Variants in HYOU1 observed in about 807,000 individuals in gnomAD.
The protein encoded by HYOU1 is hypoxia up-regulated 1.
Under a neutral mutation model 120.5 loss-of-function variants are expected in HYOU1, and 40 were observed. That is an observed-to-expected ratio of 0.33 (90% CI 0.26 to 0.43). The LOEUF is 0.43. HYOU1 is among the 20% of genes least tolerant of loss of function. HYOU1 has a pLI of 1.00. For synonymous variants in HYOU1, 501 were observed against 479.4 expected (o/e 1.05, Z -0.59); for missense variants, 1,085 against 1,278.3 (o/e 0.85, Z 2.31).
chr11:119,053,525 C>A (rs1944573723), intron 8 of HYOU1: 1 of 152,334 alleles, frequency 6.6e-6, no homozygotes, highest in Admixed American at 6.5e-5. Context: ...GAGCCAGCGA[C>A]AGGTTTTTAA....
chr11:119,054,245 A>G lies in HYOU1; in HGVS notation c.679-9T>C, dbSNP rs1043356488. The G allele has an allele frequency of 2.5e-6, 4 of 1,602,180 alleles. No individual in the cohort carries two copies. The highest frequency in any genetic ancestry group is 3.4e-6 in the Non-Finnish European group (4 of 1,169,684). On this transcript the variant is annotated splice_polypyrimidine_tract_variant and intron_variant, in intron 7 of 25. Transcript: ENST00000617285. ...TCATAGAACATGATATTCTGTAGAGATATCAAGGCAACTGTCACAGGAACC... is the reference window on the plus strand; with the variant it reads ...TCATAGAACATGATATTCTGTAGAGGTATCAAGGCAACTGTCACAGGAACC...
Position 119,051,489 on chromosome 11 carries a change from T to C in HYOU1, c.1475A>G (p.Asn492Ser). ...ITFNRYSHDF[N>S]FHINYGDLGF... The stretch of plus-strand genomic sequence containing the variant: ...CAGGTCGCCGTAGTTGATGTGGAAG[T>C]TGAAATCATGGCTGTAGCGGTTAAA... Residue 492 changes from asparagine (N) to serine (S), a missense_variant, in exon 13 of 26, where the codon AAC (asparagine) becomes AGC (serine). By Grantham distance (46) the Asn-to-Ser change is conservative (BLOSUM62 1). Coordinates refer to ENST00000617285, the MANE Select transcript of HYOU1 (RefSeq NM_006389.5). The surrounding 1 kb of genome is among the most constrained non-coding windows in gnomAD (Gnocchi z 4.2). 6.2e-7 allele frequency: 1 copy of C among 1,614,046 alleles called. No individual in the cohort carries two copies. The highest frequency in any genetic ancestry group is 8.5e-7 in the Non-Finnish European group (1 of 1,180,006).
chr11:119,052,880 G>GC lies in HYOU1; in HGVS notation c.795-52dup. On this transcript the variant is annotated intron_variant, in intron 8 of 25. Coordinates refer to ENST00000617285, the MANE Select transcript of HYOU1 (RefSeq NM_006389.5). The surrounding 1 kb of genome is among the most constrained non-coding windows in gnomAD (Gnocchi z 5.0). ...AAAGTGAAGAACACATGGAGTCCCC[G>GC]CATCTGCACAGGAGCCTCTCATCCC... is the stretch of plus-strand genomic sequence containing the variant. The GC allele has an allele frequency of 1.3e-6, 2 of 1,520,036 alleles. No homozygotes were observed. The highest frequency in any genetic ancestry group is 1.8e-6 in the Non-Finnish European group (2 of 1,120,514). 94.2% of individuals were successfully genotyped at this position (1,520,036 alleles called of 1,614,324 possible). A position where few individuals can be genotyped will look rare whatever the true frequency, so the allele number is the denominator to read the frequency against.
Position 119,052,548 on chromosome 11 carries a change from T to C in HYOU1, c.987+89A>G. ...ATGGTAGCGGGAGGAGCATGGGCCA[T>C]GCCAGGCACGAGCAGCCCAGTTCAG... is the stretch of plus-strand genomic sequence containing the variant. On this transcript the variant is annotated intron_variant, in intron 9 of 25. Coordinates refer to ENST00000617285, the MANE Select transcript of HYOU1 (RefSeq NM_006389.5). The surrounding 1 kb of genome is among the most constrained non-coding windows in gnomAD (Gnocchi z 5.0). 3 of 1,573,624 alleles carry C rather than the reference T, an allele frequency of 1.9e-6. No individual in the cohort carries two copies. In the Admixed American group the frequency reaches 5.2e-5, roughly 27 times the overall value.
At position 119,048,717 on chromosome 11, in the gene HYOU1, T is replaced by A. The variant is rs1944236712; in HGVS notation, c.2162A>T (p.Gln721Leu). The stretch of plus-strand genomic sequence containing the variant: ...CACACCAGCTGTCCTCACTTACTTC[T>A]GCACCGACTGAGCCAGCTTATCCTC... ...LPEDKLAQSV[Q>L]KLQDLTLRDL... is the part of the protein sequence containing the mutation. The change falls in exon 18 of 26, where the codon CAG becomes CTG. Residue 721 changes from glutamine to leucine, a missense_variant. Transcript: ENST00000617285. This position sits in a 1 kb window ranked among gnomAD's most constrained non-coding sequence, Gnocchi z 4.7. 1.2e-6 allele frequency: 2 copies of A among 1,610,088 alleles called. No homozygotes were observed. Among genetic ancestry groups the A allele is most frequent in the Non-Finnish European group, 1.7e-6 (2 of 1,177,856 alleles).
chr11:119,049,083 C>T lies in HYOU1; in HGVS notation c.1927G>A (p.Gly643Arg), dbSNP rs2133569457. The change falls in exon 17 of 26, where the codon GGA becomes AGA. Residue 643 changes from glycine (G) to arginine (R), a missense_variant. Around this residue, in one of 4 missense-constraint regions of HYOU1, gnomAD observed 516 missense variants for 517.1 expected, o/e 1.00. Coordinates refer to ENST00000617285, the MANE Select transcript of HYOU1 (RefSeq NM_006389.5). ...TTTTCTCCCTCAGGGGTTGCATCTC[C>T]CTTAGGTTCAGGGGGTGGGGGCTGA... ...GSQPPPPEPK[G>R]DATPEGEKAT... 7.4e-6 allele frequency: 12 copies of T among 1,614,028 alleles called. No individual in the cohort carries two copies. Among genetic ancestry groups the T allele is most frequent in the Middle Eastern group, 1.6e-4 (1 of 6,084 alleles).
In HYOU1 at chr11:119,051,508, G is replaced by T; in HGVS notation, c.1456C>A (p.Arg486Ser). The change falls in exon 13 of 26, where the codon CGC becomes AGC. Residue 486 changes from arginine to serine, a missense_variant. This residue lies in a region of HYOU1 where 515 missense variants were observed against 677.8 expected (regional missense o/e 0.76). Coordinates refer to ENST00000617285, the MANE Select transcript of HYOU1 (RefSeq NM_006389.5). This position sits in a 1 kb window ranked among gnomAD's most constrained non-coding sequence, Gnocchi z 4.2. ...YPQRKVITFN[R>S]YSHDFNFHIN... ...TGGAAGTTGAAATCATGGCTGTAGC[G>T]GTTAAAGGTGATGACTTTGCGTTGA... is the stretch of plus-strand genomic sequence containing the variant. 6 of 1,614,158 alleles carry T rather than the reference G, an allele frequency of 3.7e-6. No homozygotes were observed. The highest frequency in any genetic ancestry group is 5.1e-6 in the Non-Finnish European group (6 of 1,180,024).
chr11:119,048,506 G>A lies in HYOU1; in HGVS notation c.2223C>T (p.Asn741=), dbSNP rs2133564941. Residue 741 remains asparagine (N), a synonymous_variant, in exon 19 of 26, where the codon AAC becomes AAT. Coordinates refer to ENST00000617285, the MANE Select transcript of HYOU1 (RefSeq NM_006389.5). The surrounding 1 kb of genome is among the most constrained non-coding windows in gnomAD (Gnocchi z 4.7). ...TCTCAAATATGAATGCTTCCAAGCTGTTGGCAGCTTTTTCCCGTTCCTGCT... is the reference window on the plus strand; with the variant it reads ...TCTCAAATATGAATGCTTCCAAGCTATTGGCAGCTTTTTCCCGTTCCTGCT... ...LEKQEREKAA[N]SLEAFIFETQ... 2 of 1,613,966 alleles carry A rather than the reference G, an allele frequency of 1.2e-6. No homozygotes were observed. Among genetic ancestry groups the A allele is most frequent in the African/African-American group, 1.3e-5 (1 of 74,910 alleles).
Position 119,049,044 on chromosome 11 carries a change from C to G in HYOU1, c.1966G>C (p.Glu656Gln). 6.2e-7 allele frequency: 1 copy of G among 1,614,222 alleles called. No individual in the cohort carries two copies. Among genetic ancestry groups the G allele is most frequent in the Non-Finnish European group, 8.5e-7 (1 of 1,180,038 alleles). The change falls in exon 17 of 26, where the codon GAA becomes CAA. Residue 656 changes from glutamate (E) to glutamine (Q), a missense_variant. Glu to Gln is a conservative substitution (Grantham distance 29, BLOSUM62 2). This residue lies in a region of HYOU1 where 516 missense variants were observed against 517.1 expected (regional missense o/e 1.00). Coordinates refer to ENST00000617285, the MANE Select transcript of HYOU1 (RefSeq NM_006389.5). ...TGGGCCTCAGACTTGTCCCCATTTT[C>G]TTTTTCTGTGGCCTTTTCTCCCTCA... ...TPEGEKATEK[E>Q]NGDKSEAQKP...
chr11:119,052,505 G>A lies in HYOU1; in HGVS notation c.988-76C>T. The A allele has an allele frequency of 6.2e-7, 1 of 1,604,322 alleles. No homozygotes were observed. Among genetic ancestry groups the A allele is most frequent in the Non-Finnish European group, 8.5e-7 (1 of 1,174,064 alleles). On this transcript the variant is annotated intron_variant, in intron 9 of 25. Transcript: ENST00000617285. The surrounding 1 kb of genome is among the most constrained non-coding windows in gnomAD (Gnocchi z 5.0). ...TTGGTGAGTAGGACAGAAACAAAAA[G>A]AATAGGTCTTTGGGAGGATGGTAGC...
chr11:119,054,647 G>C lies in HYOU1; in HGVS notation c.525C>G (p.Thr175=). 6.2e-7 allele frequency: 1 copy of C among 1,613,374 alleles called. No homozygotes were observed. The highest frequency in any genetic ancestry group is 8.5e-7 in the Non-Finnish European group (1 of 1,180,030). Residue 175 remains threonine (T), a synonymous_variant, in exon 7 of 26, where the codon ACC becomes ACG. Transcript: ENST00000617285. ...AEQPIKDAVI[T]VPVFFNQAER... ...CGGCCTGGTTGAAGAAGACTGGCAC[G>C]GTGATCACTGCATCCTTGATGGGCT...
At position 119,055,576 on chromosome 11, in the gene HYOU1, G is replaced by C; in HGVS notation, c.186-5C>G. On this transcript the variant is annotated splice_region_variant and splice_polypyrimidine_tract_variant and intron_variant, in intron 3 of 25. Transcript: ENST00000617285. This position sits in a 1 kb window ranked among gnomAD's most constrained non-coding sequence, Gnocchi z 4.0. Reference sequence around the variant, plus strand: ...GGTGTTTTCCTCCGAGATTCCCTGAGGAAAAGAGATTTTGGGCCCAGGTGC... The same window carrying C: ...GGTGTTTTCCTCCGAGATTCCCTGACGAAAAGAGATTTTGGGCCCAGGTGC... 1 of 1,613,888 alleles carries C rather than the reference G, an allele frequency of 6.2e-7. No homozygotes were observed. The highest frequency in any genetic ancestry group is 1.1e-5 in the South Asian group (1 of 91,062).
At position 119,048,447 on chromosome 11, in the gene HYOU1, G is replaced by C. The variant is rs191259381; in HGVS notation, c.2253+29C>G. 2.0e-5 allele frequency: 33 copies of C among 1,612,348 alleles called. No homozygotes were observed. Among genetic ancestry groups the C allele is most frequent in the Non-Finnish European group, 2.5e-5 (30 of 1,179,338 alleles). ...CCACAGAGCCAGGTGTAAGCCCAGTGGGGGGGCTGCTGCCTCCTGCCCACT... is the reference window on the plus strand; with the variant it reads ...CCACAGAGCCAGGTGTAAGCCCAGTCGGGGGGCTGCTGCCTCCTGCCCACT... On this transcript the variant is annotated intron_variant, in intron 19 of 25. Transcript: ENST00000617285. The surrounding 1 kb of genome is among the most constrained non-coding windows in gnomAD (Gnocchi z 4.7).
At chr11:119,056,385 G>A (rs1436124068) in intron 1 of HYOU1, 4 of 644,274 alleles carry the variant, frequency 6.2e-6, no homozygotes, top group Non-Finnish European at 1.1e-5. Context: ...AAGAGCATGG[G>A]TCCTCGGCTT....
Position 119,048,928 on chromosome 11 carries a change from C to G in HYOU1, c.1993-42G>C. On this transcript the variant is annotated intron_variant, in intron 17 of 25. Transcript: ENST00000617285. This position sits in a 1 kb window ranked among gnomAD's most constrained non-coding sequence, Gnocchi z 4.7. Reference sequence around the variant, plus strand: ...AGGGGTGTCAGGAAAAGCCTCTGCCCTCCTACATTCTCCACAAGGCCAGAA... The same window carrying G: ...AGGGGTGTCAGGAAAAGCCTCTGCCGTCCTACATTCTCCACAAGGCCAGAA... 6.2e-7 allele frequency: 1 copy of G among 1,607,006 alleles called. No individual in the cohort carries two copies. The highest frequency in any genetic ancestry group is 8.5e-7 in the Non-Finnish European group (1 of 1,176,888).
intron 8 of HYOU1, chr11:119,053,116 C>T (rs2133597819): frequency 8.0e-5 from 30 of 374,616 alleles, no homozygotes; most frequent in Non-Finnish European, 2.4e-5. Flanking sequence ...GACAGGGTCC[C>T]TGCTATGGAA....
At position 119,045,446 on chromosome 11, in the gene HYOU1, TC is replaced by T. The variant is rs370905937; in HGVS notation, c.*146del. ...AGGAACCAGTGAGCTGTCCCTCCCT[TC>T]CCCTTCTCCACACCTCCAAATCACA... On this transcript the variant is annotated 3_prime_UTR_variant, in exon 26 of 26. Transcript: ENST00000617285. 1 of 783,366 alleles carries T rather than the reference TC, an allele frequency of 1.3e-6. No homozygotes were observed. The highest frequency in any genetic ancestry group is 1.8e-5 in the Admixed American group (1 of 54,906). 48.5% of individuals were successfully genotyped at this position (783,366 alleles called of 1,614,324 possible). A position where few individuals can be genotyped will look rare whatever the true frequency, so the allele number is the denominator to read the frequency against.
At position 119,047,800 on chromosome 11, in the gene HYOU1, T is replaced by C. The variant is rs1944170231; in HGVS notation, c.2529A>G (p.Pro843=). 1 of 1,613,920 alleles carries C rather than the reference T, an allele frequency of 6.2e-7. No individual in the cohort carries two copies. Among genetic ancestry groups the C allele is most frequent in the Non-Finnish European group, 8.5e-7 (1 of 1,179,984 alleles). ...CCTCAGTGAAGATCTGGTCCATCTC[T>C]GGGATGAGCCGGGCCCCCCTGGAAG... ...SMFLKGARLI[P]EMDQIFTEVE... is the part of the protein sequence containing the mutation. The change falls in exon 22 of 26, where the codon CCA becomes CCG. Residue 843 remains proline (P), a synonymous_variant. Coordinates refer to ENST00000617285, the MANE Select transcript of HYOU1 (RefSeq NM_006389.5).
At position 119,049,109 on chromosome 11, in the gene HYOU1, G is replaced by T; in HGVS notation, c.1901C>A (p.Ser634Tyr). 1 of 1,614,060 alleles carries T rather than the reference G, an allele frequency of 6.2e-7. No homozygotes were observed. Among genetic ancestry groups the T allele is most frequent in the Non-Finnish European group, 8.5e-7 (1 of 1,179,994 alleles). The change falls in exon 17 of 26, where the codon TCT becomes TAT. Residue 634 changes from serine (S) to tyrosine (Y), a missense_variant. Physicochemically the swap from Ser to Tyr is moderately radical, Grantham distance 144 (BLOSUM62 -2). This residue lies in a region of HYOU1 where 516 missense variants were observed against 517.1 expected (regional missense o/e 1.00). Transcript: ENST00000617285. ...CTTAGGTTCAGGGGGTGGGGGCTGA[G>T]AGCCATCCTCCACTGGGGCCTCAGC... ...EEAEAPVEDG[S>Y]QPPPPEPKGD... is the part of the protein sequence containing the mutation.
Sources: gnomAD v4.1 joint callset for allele counts on GRCh38, gnomAD v4.1.1 for gene constraint, gnomAD v4.1.1 regional missense constraint, Gnocchi (gnomAD v3.1) non-coding constraint, MANE v1.5 for transcripts, NCBI Gene and HGNC (gene_info 2026-07-23, HGNC 2026-07-21) for gene names.